The following CYTH1 variants were observed in gnomAD, a reference collection of about 807,000 sequenced individuals.
CYTH1 encodes the protein cytohesin 1.
CYTH1 carries 18 observed loss-of-function variants against 61.8 expected under a neutral mutation model. The observed-to-expected ratio is 0.29, with a 90% CI of 0.20 to 0.43. CYTH1 has a LOEUF of 0.43. CYTH1 is among the 20% of genes least tolerant of loss of function. The pLI is 1.00. For synonymous variants in CYTH1, 174 were observed against 184.3 expected, an observed-to-expected ratio of 0.94 and a Z score of 0.45; for missense variants, 336 against 510.5, an observed-to-expected ratio of 0.66 and a Z score of 3.29.
chr17:78,740,507 C>T (rs1194763185), intron 1 of CYTH1, among the ~76,000 whole-genome samples: 1 of 152,228 alleles, frequency 6.6e-6, no homozygotes, highest in Non-Finnish European at 1.5e-5. Flanking sequence ...TCATAGGCTC[C>T]TGGCCAGGCA....
rs796996206 is a variant in CYTH1, at chr17:78,765,554, A to G, written c.22+16648T>C. 1.1e-4 allele frequency among the ~76,000 whole-genome samples: 16 copies of G among 152,316 alleles called. 1 individual carries two copies. The highest frequency in any genetic ancestry group is 3.8e-4 in the African/African-American group (16 of 41,574). ...GAGACAAGCCTGAAGTGGGCTATTC[A>G]GAAGTCCAAGAGGGTTTCAATGCCA... On this transcript the variant is annotated intron_variant, in intron 1 of 13. Transcript: ENST00000446868.
chr17:78,706,612 T>G (rs2093069396), intron 3 of CYTH1, among the ~76,000 whole-genome samples: 1 of 152,264 alleles, frequency 6.6e-6, no homozygotes, highest in Admixed American at 6.5e-5. Context: ...AGTCTTTGTA[T>G]GGACATGTTT....
chr17:78,776,658 CAAA>C (rs1179473215), intron 1 of CYTH1, among the ~76,000 whole-genome samples: 7 of 88,316 alleles, frequency 7.9e-5, no homozygotes, highest in Admixed American at 1.2e-4. Context: ...GACTCTGTCT[CAAA>C]AAAAAAAAAA....
rs554611170 is a variant in CYTH1, at chr17:78,717,195, C to T, written c.23-7463G>A. Among the ~76,000 whole-genome samples, 2 of 152,286 alleles carry T rather than the reference C, an allele frequency of 1.3e-5. No individual in the cohort carries two copies. Among genetic ancestry groups the T allele is most frequent in the South Asian group, 4.1e-4 (2 of 4,828 alleles). ...GCCACTGGGGAGGGCAGCAGGTTGT[C>T]CCTGCCGGCAGCCTGAGCACAATGG... On this transcript the variant is annotated intron_variant, in intron 1 of 13. Coordinates refer to ENST00000446868, the MANE Select transcript of CYTH1 (RefSeq NM_004762.6). The surrounding 1 kb of genome is among the most constrained non-coding windows in gnomAD (Gnocchi z 4.4).
At chr17:78,719,926 C>T (rs1007600557) in intron 1 of CYTH1, among the ~76,000 whole-genome samples, 2 of 152,134 alleles carry the variant, frequency 1.3e-5, no homozygotes, top group African/African-American at 4.8e-5. Context: ...AACTTAGTAC[C>T]TTAAAAAGGA....
intron 1 of CYTH1, among the ~76,000 whole-genome samples, chr17:78,770,550 C>T (rs1427243161): frequency 6.6e-6 from 1 of 151,902 alleles, no homozygotes; most frequent in Non-Finnish European, 1.5e-5. Flanking sequence ...TCCCAAGTAG[C>T]TGGGACTACA....
chr17:78,733,723 G>A, intron 1 of CYTH1, among the ~76,000 whole-genome samples: 1 of 152,274 alleles, frequency 6.6e-6, no homozygotes, highest in East Asian at 1.9e-4. Flanking sequence ...AGAACTTGAA[G>A]GACCAACGGA....
intron 1 of CYTH1, among the ~76,000 whole-genome samples, chr17:78,726,292 T>G (rs1174528586): frequency 1.3e-5 from 2 of 152,182 alleles, no homozygotes; most frequent in East Asian, 3.9e-4. Flanking sequence ...TCTGCCCGCC[T>G]CAGCCTCCCA....
intron 1 of CYTH1, among the ~76,000 whole-genome samples, chr17:78,747,030 G>C (rs745685362): frequency 3.4e-5 from 5 of 148,670 alleles, no homozygotes; most frequent in South Asian, 2.1e-4. Flanking sequence ...GATGTCTGTT[G>C]AACTGTGCCA....
intron 1 of CYTH1, among the ~76,000 whole-genome samples, chr17:78,760,407 G>A (rs868222619): frequency 4.2e-3 from 162 of 38,492 alleles, no homozygotes; most frequent in African/African-American, 0.015. Flanking sequence ...ATATATATAT[G>A]TGTATATATA....
chr17:78,708,885 C>T (rs866101059), intron 2 of CYTH1: 1 of 152,428 alleles, frequency 6.6e-6, no homozygotes, highest in Non-Finnish European at 1.5e-5. Context: ...GGAGAACTAT[C>T]AAAATATACT....
chr17:78,682,282 C>T (rs968169214), intron 11 of CYTH1, among the ~76,000 whole-genome samples: 2 of 152,092 alleles, frequency 1.3e-5, no homozygotes, highest in Non-Finnish European at 2.9e-5. Flanking sequence ...ATTTCTGTGA[C>T]CTTACCACCA....
At chr17:78,776,828 A>ATTT (rs1567888789) in intron 1 of CYTH1, among the ~76,000 whole-genome samples, 15 of 150,808 alleles carry the variant, frequency 9.9e-5, no homozygotes, top group East Asian at 5.9e-4. Context: ...TTTTTTTTTA[A>ATTT]AAAAAGAAAC....
rs1236897548 is a variant in CYTH1 at position 78,676,175 on chromosome 17, G to C, written c.1119-6C>G. ...GGTCCCTGCTGATGGCTGCTCTGGA[G>C]CACAGAAAAGGGAGAAAACAGAGAC... On this transcript the variant is annotated splice_region_variant and splice_polypyrimidine_tract_variant and intron_variant, in intron 13 of 13. Transcript: ENST00000446868. 1 of 1,603,716 alleles carries C rather than the reference G, an allele frequency of 6.2e-7. No homozygotes were observed. Among genetic ancestry groups the C allele is most frequent in the Non-Finnish European group, 8.5e-7 (1 of 1,175,184 alleles).
At chr17:78,761,845 A>G (rs1461912633) in intron 1 of CYTH1, among the ~76,000 whole-genome samples, 1 of 152,266 alleles carries the variant, frequency 6.6e-6, no homozygotes, top group East Asian at 1.9e-4. Context: ...ACAGTAGTCC[A>G]AAGCAAGAGC....
chr17:78,704,694 A>G (rs2093047456), intron 3 of CYTH1, among the ~76,000 whole-genome samples: 1 of 152,098 alleles, frequency 6.6e-6, no homozygotes, highest in African/African-American at 2.4e-5. Flanking sequence ...CTACTTTTTA[A>G]AATATTTTGT....
intron 1 of CYTH1, among the ~76,000 whole-genome samples, chr17:78,738,724 C>T (rs570195749): frequency 6.6e-6 from 1 of 152,148 alleles, no homozygotes; most frequent in Admixed American, 6.5e-5. Context: ...TAAGTCCCAG[C>T]CTGCACCATT....
rs1567879311 is a variant in CYTH1 at position 78,760,443 on chromosome 17, GTATATATATATACATACATATATATA to G, written c.22+21733_22+21758del. Among the ~76,000 whole-genome samples the G allele has an allele frequency of 9.8e-3, 313 of 31,826 alleles. 18 individuals are homozygous for G. Among genetic ancestry groups the G allele is most frequent in the African/African-American group, 0.038 (273 of 7,174 alleles). The allele number at this position is 31,826 out of a possible 152,430, so 20.9% of individuals were successfully genotyped here. A position where few individuals can be genotyped will look rare whatever the true frequency, so the allele number is the denominator to read the frequency against. ...TATATATACACATACATATATATAT[GTATATATATATACATACATATATATA>G]TGTATATATATGTATGTATATATAT... On this transcript the variant is annotated intron_variant, in intron 1 of 13. Transcript: ENST00000446868.
intron 13 of CYTH1, among the ~76,000 whole-genome samples, chr17:78,679,277 T>C (rs1048978183): frequency 6.6e-6 from 1 of 152,182 alleles, no homozygotes; most frequent in Admixed American, 6.5e-5. Flanking sequence ...GAGGAGTCTT[T>C]CTCAGGAAAA....
Sources: gnomAD v4.1 joint callset for allele counts (sites outside exome capture counted in the v4.1 genomes callset) on GRCh38, gnomAD v4.1.1 for gene constraint, Gnocchi (gnomAD v3.1) non-coding constraint, MANE v1.5 for transcripts, NCBI Gene and HGNC (gene_info 2026-07-23, HGNC 2026-07-21) for gene names.